Variants in IGF2R observed in about 807,000 individuals in gnomAD.
The protein encoded by IGF2R is cation-independent mannose-6-phosphate receptor.
In IGF2R, 91 loss-of-function variants were observed where a neutral mutation model predicts 270.6. The ratio of observed to expected loss-of-function variants is 0.34; its 90% confidence interval spans 0.28 to 0.40. The LOEUF is 0.40. Among genes scored for constraint, IGF2R ranks in the 10% least tolerant of loss-of-function variants. IGF2R has a pLI of 1.00. For synonymous variants in IGF2R, 1,316 were observed against 1,258.9 expected, an observed-to-expected ratio of 1.05 and a Z score of -0.96; for missense variants, 2,805 against 3,188.3, an observed-to-expected ratio of 0.88 and a Z score of 2.90.
intron 2 of IGF2R, among the ~76,000 whole-genome samples, chr6:160,001,081 C>G (rs559023870): frequency 2.0e-5 from 3 of 151,976 alleles, no homozygotes; most frequent in African/African-American, 7.2e-5. Flanking sequence ...CCTCAACCCC[C>G]GGGCCACAGA....
Position 160,068,344 on chromosome 6 carries a change from T to C in IGF2R, c.4211T>C (p.Leu1404Pro). Residue 1404 changes from leucine to proline, a missense_variant, in exon 30 of 48, where the codon CTC becomes CCC. Coordinates refer to ENST00000356956, the MANE Select transcript of IGF2R (RefSeq NM_000876.4). ...GGGACGGGGGACCCGGAGCACTACC[T>C]CATCAATGTCTGCAAGTCTCTGGCC... is the stretch of plus-strand genomic sequence containing the variant. The part of the protein sequence containing the change: ...ITGTGDPEHY[L>P]INVCKSLAPQ... The C allele has an allele frequency of 6.2e-7, 1 of 1,614,226 alleles. No homozygotes were observed. Among genetic ancestry groups the C allele is most frequent in the Non-Finnish European group, 8.5e-7 (1 of 1,180,038 alleles).
chr6:159,992,556 T>C (rs958374451), intron 2 of IGF2R, among the ~76,000 whole-genome samples: 1 of 152,060 alleles, frequency 6.6e-6, no homozygotes, highest in African/African-American at 2.4e-5. Context: ...TCATTCTTTT[T>C]TATGGCCAAC....
intron 18 of IGF2R, 45 bp downstream of exon 18, chr6:160,048,588 A>G (rs749603864): frequency 3.2e-6 from 5 of 1,581,488 alleles, no homozygotes; most frequent in Middle Eastern, 1.7e-4. Flanking sequence ...TCCTAATTCC[A>G]TGACTTAGTG....
Position 160,088,086 on chromosome 6 carries a change from A to G in IGF2R, c.6259A>G (p.Thr2087Ala). ...SKGYPCGGNKTASSVIELTCT... is the reference protein window; with the variant it reads ...SKGYPCGGNKAASSVIELTCT... ...AGGTTATCCGTGTGGTGGAAATAAGACCGCATCCTCCGTGATAGAATTGAC... is the reference window on the plus strand; with the variant it reads ...AGGTTATCCGTGTGGTGGAAATAAGGCCGCATCCTCCGTGATAGAATTGAC... Residue 2087 changes from threonine (T) to alanine (A), a missense_variant, in exon 42 of 48, where the codon ACC (threonine) becomes GCC (alanine). Around this residue, in one of 2 missense-constraint regions of IGF2R, gnomAD observed 1,851 missense variants for 2,207.2 expected, o/e 0.84. Transcript: ENST00000356956. The G allele has an allele frequency of 6.2e-7, 1 of 1,614,112 alleles. No homozygotes were observed. Among genetic ancestry groups the G allele is most frequent in the South Asian group, 1.1e-5 (1 of 91,078 alleles).
At chr6:160,023,687 G>A (rs1019256725) in intron 4 of IGF2R, among the ~76,000 whole-genome samples, 4 of 152,182 alleles carry the variant, frequency 2.6e-5, no homozygotes, top group Non-Finnish European at 5.9e-5. Context: ...GTTCTGCTTC[G>A]AGTCTGTGCT....
chr6:160,039,272 C>T (rs560484564), intron 10 of IGF2R, among the ~76,000 whole-genome samples: 5 of 152,244 alleles, frequency 3.3e-5, no homozygotes, highest in East Asian at 3.9e-4. Flanking sequence ...TGTAACACAA[C>T]GGTAAGTATT....
intron 1 of IGF2R, among the ~76,000 whole-genome samples, chr6:159,972,784 C>T (rs750713509): frequency 6.6e-6 from 1 of 152,192 alleles, no homozygotes; most frequent in Non-Finnish European, 1.5e-5. Context: ...TGTCCGTGCA[C>T]GTGGAGGGGC....
chr6:160,037,952 T>A (rs1321329993), intron 10 of IGF2R, among the ~76,000 whole-genome samples: 2 of 152,178 alleles, frequency 1.3e-5, no homozygotes, highest in African/African-American at 4.8e-5. Context: ...AATAAGTCAC[T>A]TGGCCCAGCC....
At chr6:160,012,745 T>TTTTATATATATATATATA (rs1300346010) in intron 4 of IGF2R, among the ~76,000 whole-genome samples, 2 of 105,312 alleles carry the variant, frequency 1.9e-5, no homozygotes, top group South Asian at 3.4e-4. Flanking sequence ...CCCGGCTAAT[T>TTTTATATATATATATATA]TATATATATA....
chr6:159,999,729 G>A (rs1583250265), intron 2 of IGF2R, among the ~76,000 whole-genome samples: 1 of 152,304 alleles, frequency 6.6e-6, no homozygotes, highest in East Asian at 1.9e-4. Flanking sequence ...CCAAAAAATT[G>A]GGTGTAAGTA....
intron 10 of IGF2R, among the ~76,000 whole-genome samples, chr6:160,035,691 A>G (rs369774746): frequency 6.6e-6 from 1 of 152,312 alleles, no homozygotes; most frequent in East Asian, 1.9e-4. Context: ...CTTAGGCCCT[A>G]TGAGGCTGGA....
chr6:160,041,730 A>G (rs1777951099), intron 11 of IGF2R, among the ~76,000 whole-genome samples: 1 of 152,226 alleles, frequency 6.6e-6, no homozygotes, highest in African/African-American at 2.4e-5. Context: ...CCTCACTGTG[A>G]ACCGCCTGGG....
Position 160,063,475 on chromosome 6 carries a change from G to A in IGF2R, c.3731G>A (p.Gly1244Asp), listed in dbSNP as rs1237489276. The A allele has an allele frequency of 1.2e-6, 2 of 1,613,338 alleles. No individual in the cohort carries two copies. The highest frequency in any genetic ancestry group is 1.3e-5 in the African/African-American group (1 of 74,904). ...HGNLYDLKPL[G>D]LNDTIVSAGE... ...AACTTGTATGACCTGAAGCCCCTGG[G>A]CCTCAACGACACCATCGTGAGCGCT... The change falls in exon 27 of 48, where the codon GGC becomes GAC. Residue 1244 changes from glycine (G) to aspartate (D), a missense_variant. Gly to Asp is a moderately conservative substitution (Grantham distance 94, BLOSUM62 -1). Transcript: ENST00000356956.
At chr6:159,989,742 A>G (rs73594493) in intron 1 of IGF2R, among the ~76,000 whole-genome samples, 1,644 of 152,218 alleles carry the variant, frequency 0.011, 29 homozygotes, top group African/African-American at 0.038. Flanking sequence ...TATTTTTTGC[A>G]TTTTGCAAGG....
chr6:160,089,549 A>G (rs1779172515), intron 43 of IGF2R, among the ~76,000 whole-genome samples: 1 of 152,218 alleles, frequency 6.6e-6, no homozygotes, highest in African/African-American at 2.4e-5. Context: ...TTGAGCAGGA[A>G]TCTTCTGGGC....
At position 160,085,064 on chromosome 6, in the gene IGF2R, C is replaced by G; in HGVS notation, c.6138C>G (p.Cys2046Trp). 6.2e-7 allele frequency: 1 copy of G among 1,614,044 alleles called. No homozygotes were observed. The highest frequency in any genetic ancestry group is 8.5e-7 in the Non-Finnish European group (1 of 1,179,966). ...GCTGCTCTGAAAGGGCCAGCATTTG[C>G]AGAAGGACCACAACTGGTGACGTCC... ...PLGCSERASICRRTTTGDVQV... is the reference protein window; with the variant it reads ...PLGCSERASIWRRTTTGDVQV... Residue 2046 changes from cysteine to tryptophan, a missense_variant, in exon 41 of 48, where the codon TGC becomes TGG. Cys to Trp is a radical substitution (Grantham distance 215). Around this residue, in one of 2 missense-constraint regions of IGF2R, gnomAD observed 1,851 missense variants for 2,207.2 expected, o/e 0.84. Coordinates refer to ENST00000356956, the MANE Select transcript of IGF2R (RefSeq NM_000876.4).
chr6:160,035,495 A>T (rs1777799908), intron 10 of IGF2R, among the ~76,000 whole-genome samples: 1 of 152,192 alleles, frequency 6.6e-6, no homozygotes, highest in African/African-American at 2.4e-5. Context: ...CCTAGCAAGC[A>T]GGCAAAGAAC....
chr6:160,060,802 A>G, intron 23 of IGF2R, 85 bp downstream of exon 23: 2 of 1,347,478 alleles, frequency 1.5e-6, no homozygotes, highest in Admixed American at 1.9e-5. Flanking sequence ...TTCTGTGTGT[A>G]TGTATATTTG....
In IGF2R at chr6:160,050,756, C is replaced by T; in HGVS notation, c.2694+104C>T. ...AGCAGTCTTGGGGTGGGTGGCGGAG[C>T]TAGGCCAGTCTTAGTTCTGCTTAAG... On this transcript the variant is annotated intron_variant, in intron 19 of 47. Coordinates refer to ENST00000356956, the MANE Select transcript of IGF2R (RefSeq NM_000876.4). This position sits in a 1 kb window ranked among gnomAD's most constrained non-coding sequence, Gnocchi z 4.0. 9.9e-7 allele frequency: 1 copy of T among 1,005,238 alleles called. No individual in the cohort carries two copies. The highest frequency in any genetic ancestry group is 1.4e-6 in the Non-Finnish European group (1 of 694,516). The allele number at this position is 1,005,238 out of a possible 1,614,324, so 62.3% of individuals were successfully genotyped here.
Sources: gnomAD v4.1 joint callset for allele counts (sites outside exome capture counted in the v4.1 genomes callset) on GRCh38, gnomAD v4.1.1 for gene constraint, gnomAD v4.1.1 regional missense constraint, Gnocchi (gnomAD v3.1) non-coding constraint, MANE v1.5 for transcripts, NCBI Gene and HGNC (gene_info 2026-07-23, HGNC 2026-07-21) for gene names.